The following LACTBL1 variants were observed in gnomAD, a reference collection of about 807,000 sequenced individuals.
The protein encoded by LACTBL1 is beta-lactamase-like protein 1.
A neutral mutation model predicts 39.6 loss-of-function variants in LACTBL1; 29 were observed. That is an observed-to-expected ratio of 0.73 (90% CI 0.55 to 1.00). The LOEUF (loss-of-function observed/expected upper bound fraction) is 1.00, where lower values mean the gene tolerates loss of function less well. LACTBL1 is among the 50% of genes least tolerant of loss of function. LACTBL1 has a pLI of 0.00. For synonymous variants in LACTBL1, 361 were observed against 360.7 expected (o/e 1.00, Z -0.01); for missense variants, 711 against 748.5 (o/e 0.95, Z 0.59).
At chr1:22,972,413 A>G in the LACTBL1 span, 1 of 985,246 alleles carries the variant, frequency 1.0e-6, no homozygotes, top group Non-Finnish European at 1.2e-6. Flanking sequence ...GAGTGAAGGC[A>G]AAAAGAGGTC....
At chr1:22,958,942 A>G (rs901925891) in intron 3 of LACTBL1, 22 bp from the exon 6 acceptor site, 16 of 1,508,948 alleles carry the variant, frequency 1.1e-5, no homozygotes, top group Non-Finnish European at 1.4e-5. Flanking sequence ...TGGGAATACA[A>G]GCAGTCAAAG....
intron 2 of LACTBL1, among the ~76,000 whole-genome samples, chr1:22,962,181 A>G (rs1274603287): frequency 6.6e-6 from 1 of 152,108 alleles, no homozygotes; most frequent in Non-Finnish European, 1.5e-5. Context: ...TGTTGCTTTT[A>G]TGAAAATTTG....
At chr1:22,955,250 T>A (rs1640749400) in intron 5 of LACTBL1, 71 bp downstream of exon 7, 1 of 1,244,886 alleles carries the variant, frequency 8.0e-7, no homozygotes. Flanking sequence ...TGATGTGGGC[T>A]CTTTGCCAGG....
At chr1:22,969,998 CTGAGTCAGT>C (rs1235003765), upstream of LACTBL1, among the ~76,000 whole-genome samples, 1 of 152,214 alleles carries the variant, frequency 6.6e-6, no homozygotes, top group African/African-American at 2.4e-5. Context: ...AACTCCACTC[CTGAGTCAGT>C]TGTAACTCTG....
At chr1:22,965,617 G>A (rs1416482443), upstream of LACTBL1, among the ~76,000 whole-genome samples, 1 of 152,046 alleles carries the variant, frequency 6.6e-6, no homozygotes, top group Non-Finnish European at 1.5e-5. Context: ...TGCCCTCCAA[G>A]AGCACCCACC....
At chr1:22,970,080 G>T (rs957364690), upstream of LACTBL1, among the ~76,000 whole-genome samples, 7 of 152,174 alleles carry the variant, frequency 4.6e-5, no homozygotes, top group African/African-American at 1.7e-4. Flanking sequence ...TTGGCTACTT[G>T]TAAAGAGTTT....
chr1:22,968,405 C>T (rs1640905897), upstream of LACTBL1, among the ~76,000 whole-genome samples: 1 of 152,310 alleles, frequency 6.6e-6, no homozygotes, highest in Middle Eastern at 3.4e-3. Flanking sequence ...CCAATTTATG[C>T]TCGTCCCACC....
At chr1:22,953,329 C>T in exon 6 of LACTBL1, 1 of 1,225,418 alleles carries the variant, frequency 8.2e-7, no homozygotes, top group Non-Finnish European at 1.0e-6. Flanking sequence ...CTGGCGCAGG[C>T]GCAGCTCGCC....
At chr1:22,962,014 G>A (rs1452825377) in intron 2 of LACTBL1, among the ~76,000 whole-genome samples, 1 of 152,090 alleles carries the variant, frequency 6.6e-6, no homozygotes, top group African/African-American at 2.4e-5. Flanking sequence ...CCAAAGTGCT[G>A]GGGTTACAGG....
chr1:22,972,192 A>ATG, the LACTBL1 span: 2 of 206,826 alleles, frequency 9.7e-6, no homozygotes, highest in African/African-American at 2.6e-5. Context: ...GATGATGATG[A>ATG]AGGTAACGTG....
intron 4 of LACTBL1, among the ~76,000 whole-genome samples, chr1:22,957,265 A>G (rs1038879538): frequency 6.6e-6 from 1 of 152,014 alleles, no homozygotes; most frequent in South Asian, 2.1e-4. Flanking sequence ...TCCCCTATTG[A>G]TGGACATTTA....
chr1:22,955,082 C>T (rs1640747764), intron 5 of LACTBL1, among the ~76,000 whole-genome samples: 1 of 152,210 alleles, frequency 6.6e-6, no homozygotes, highest in Admixed American at 6.5e-5. Flanking sequence ...AGTAGGTGCT[C>T]AATAAATGTT....
At chr1:22,961,565 T>C (rs368202347) in intron 2 of LACTBL1, among the ~76,000 whole-genome samples, 6 of 152,198 alleles carry the variant, frequency 3.9e-5, no homozygotes, top group East Asian at 3.9e-4. Context: ...GGTTTCACCA[T>C]ATTGACCAGG....
exon 6 of LACTBL1, chr1:22,953,878 A>G (rs1028053402): frequency 2.1e-5 from 33 of 1,549,028 alleles, no homozygotes; most frequent in Non-Finnish European, 2.5e-5. Flanking sequence ...GCGCGCGCGC[A>G]CGTCGGGCGT....
intron 5 of LACTBL1, among the ~76,000 whole-genome samples, chr1:22,954,543 C>T (rs901912274): frequency 6.6e-6 from 1 of 152,192 alleles, no homozygotes; most frequent in Non-Finnish European, 1.5e-5. Context: ...TGAAAATTCA[C>T]AAATTCTCCT....
At chr1:22,962,200 C>A (rs1413609668) in intron 2 of LACTBL1, among the ~76,000 whole-genome samples, 1 of 152,112 alleles carries the variant, frequency 6.6e-6, no homozygotes, top group Non-Finnish European at 1.5e-5. Flanking sequence ...TGCTATAACT[C>A]CTGAAAGCCA....
At chr1:22,954,045 A>T in intron 5 of LACTBL1, 21 bp from the exon 8 acceptor site, 1 of 1,507,358 alleles carries the variant, frequency 6.6e-7, no homozygotes, top group Non-Finnish European at 8.9e-7. Context: ...AGCAGTGGCA[A>T]GTGGGACGGG....
upstream of LACTBL1, among the ~76,000 whole-genome samples, chr1:22,968,243 T>C (rs138781230): frequency 4.6e-5 from 7 of 152,288 alleles, no homozygotes; most frequent in East Asian, 1.3e-3. Context: ...GGTAGTGTAG[T>C]AGTTAGAGCC....
intron 3 of LACTBL1, 22 bp downstream of exon 5, chr1:22,959,920 C>T (rs1640802365): frequency 1.9e-6 from 3 of 1,550,960 alleles, no homozygotes; most frequent in South Asian, 1.2e-5. Flanking sequence ...CTCCACAGGA[C>T]CCTAGAGATC....
Sources: allele counts gnomAD v4.1 joint callset (sites outside exome capture counted in the v4.1 genomes callset), GRCh38; gene constraint gnomAD v4.1.1; transcripts MANE v1.5; gene names NCBI Gene and HGNC (gene_info 2026-07-23, HGNC 2026-07-21).